The following DAB1 variants were observed in gnomAD, a reference collection of about 807,000 sequenced individuals.
DAB1 encodes the protein DAB adaptor protein 1.
DAB1 carries 15 observed loss-of-function variants against 64.6 expected under a neutral mutation model. The ratio of observed to expected loss-of-function variants is 0.23; its 90% CI spans 0.16 to 0.36. The LOEUF (loss-of-function observed/expected upper bound fraction) is 0.36, where lower values mean the gene tolerates loss of function less well. DAB1 is among the 10% of genes least tolerant of loss of function. The pLI, the probability that DAB1 is intolerant of heterozygous loss-of-function variation, is 1.00. For synonymous variants in DAB1, 235 were observed against 251.9 expected, an observed-to-expected ratio of 0.93 and a Z score of 0.64; for missense variants, 596 against 706.7, an observed-to-expected ratio of 0.84 and a Z score of 1.78.
At chr1:58,433,840 G>A (rs1185736746) in intron 3 of DAB1, among the ~76,000 whole-genome samples, 3 of 152,020 alleles carry the variant, frequency 2.0e-5, no homozygotes, top group African/African-American at 4.8e-5. Flanking sequence ...GTTGTATTGG[G>A]TATAAATTTT....
At chr1:57,609,974 A>T (rs1300212738) in intron 7 of DAB1, among the ~76,000 whole-genome samples, 1 of 152,184 alleles carries the variant, frequency 6.6e-6, no homozygotes, top group African/African-American at 2.4e-5. Context: ...GGCTGCAGGG[A>T]TGCATATTTC....
At chr1:57,856,937 C>A (rs1653782431) in intron 1 of DAB1, among the ~76,000 whole-genome samples, 1 of 152,062 alleles carries the variant, frequency 6.6e-6, no homozygotes, top group Admixed American at 6.5e-5. Context: ...ATAAGATGCT[C>A]AATAAGTACA....
intron 3 of DAB1, among the ~76,000 whole-genome samples, chr1:58,394,276 T>G (rs338929): frequency 6.6e-6 from 1 of 152,208 alleles, no homozygotes; most frequent in African/African-American, 2.4e-5. Context: ...TAATGGAGAA[T>G]GCTACAGAAC....
At chr1:57,940,314 C>G (rs960999921) in intron 5 of DAB1, among the ~76,000 whole-genome samples, 1 of 152,152 alleles carries the variant, frequency 6.6e-6, no homozygotes, top group Non-Finnish European at 1.5e-5. Flanking sequence ...TTAGAAATTT[C>G]AAGGAAGATA....
intron 1 of DAB1, among the ~76,000 whole-genome samples, chr1:57,327,409 C>T (rs949682840): frequency 3.3e-5 from 5 of 152,098 alleles, no homozygotes; most frequent in South Asian, 2.1e-4. Flanking sequence ...GCACCAGGTG[C>T]CTTTCATGGA....
intron 2 of DAB1, among the ~76,000 whole-genome samples, chr1:57,219,470 GT>G (rs1666693122): frequency 2.6e-5 from 4 of 152,172 alleles, no homozygotes; most frequent in African/African-American, 9.7e-5. Context: ...CATACCATAT[GT>G]GGCAGATCCA....
At chr1:57,731,351 C>T (rs1382547694) in intron 6 of DAB1, among the ~76,000 whole-genome samples, 1 of 151,966 alleles carries the variant, frequency 6.6e-6, no homozygotes, top group Non-Finnish European at 1.5e-5. Flanking sequence ...TTAATGAGTA[C>T]AGAGTATCAG....
At chr1:58,326,902 T>A (rs932992844) in intron 4 of DAB1, among the ~76,000 whole-genome samples, 1 of 152,154 alleles carries the variant, frequency 6.6e-6, no homozygotes, top group African/African-American at 2.4e-5. Context: ...CAAAAATCCC[T>A]CTTGGCTTTG....
At chr1:57,031,888 C>CT (rs1408239440) in intron 9 of DAB1, among the ~76,000 whole-genome samples, 3 of 152,122 alleles carry the variant, frequency 2.0e-5, no homozygotes, top group African/African-American at 4.8e-5. Context: ...AGTTTTGCCC[C>CT]TTTTTTAGCC....
chr1:57,148,278 A>C (rs1255105636), intron 2 of DAB1, among the ~76,000 whole-genome samples: 1 of 152,222 alleles, frequency 6.6e-6, no homozygotes, highest in Non-Finnish European at 1.5e-5. Context: ...AAGGGCAGAG[A>C]TTAATAAGAA....
chr1:58,335,838 C>T (rs1185313267), intron 4 of DAB1, among the ~76,000 whole-genome samples: 1 of 152,098 alleles, frequency 6.6e-6, no homozygotes, highest in East Asian at 1.9e-4. Context: ...TAGATACGAT[C>T]CAGTCGGGGA....
intron 5 of DAB1, among the ~76,000 whole-genome samples, chr1:58,137,895 G>A (rs1253452438): frequency 1.3e-5 from 2 of 152,148 alleles, no homozygotes; most frequent in Admixed American, 1.3e-4. Flanking sequence ...GCTTCTAAAG[G>A]CATTCTGGTG....
chr1:58,388,935 T>C (rs1644455168), intron 3 of DAB1, among the ~76,000 whole-genome samples: 2 of 152,128 alleles, frequency 1.3e-5, no homozygotes, highest in South Asian at 4.1e-4. Flanking sequence ...AATTGCAAAA[T>C]GATGATAGCA....
intron 5 of DAB1, among the ~76,000 whole-genome samples, chr1:57,910,669 C>A (rs1465415279): frequency 1.3e-5 from 2 of 152,180 alleles, no homozygotes; most frequent in African/African-American, 4.8e-5. Context: ...CCAGGGTCAG[C>A]TCATTTCCAA....
intron 6 of DAB1, among the ~76,000 whole-genome samples, chr1:57,817,171 T>C (rs1283880530): frequency 6.6e-6 from 1 of 152,128 alleles, no homozygotes; most frequent in African/African-American, 2.4e-5. Flanking sequence ...ATTAAACAAA[T>C]ATTAGTTATT....
At chr1:57,964,090 G>A (rs923833115) in intron 5 of DAB1, among the ~76,000 whole-genome samples, 2 of 152,144 alleles carry the variant, frequency 1.3e-5, no homozygotes, top group Non-Finnish European at 2.9e-5. Context: ...GCAAGGACAT[G>A]GCCTCTGGGG....
chr1:57,218,541 A>G (rs1488133885), intron 2 of DAB1, among the ~76,000 whole-genome samples: 1 of 148,954 alleles, frequency 6.7e-6, no homozygotes, highest in East Asian at 2.0e-4. Context: ...AAAAAAAAAA[A>G]AACAGAAAAA....
chr1:58,177,135 C>T (rs985943378), intron 4 of DAB1, among the ~76,000 whole-genome samples: 1 of 152,108 alleles, frequency 6.6e-6, no homozygotes, highest in South Asian at 2.1e-4. Flanking sequence ...CAGATAATTT[C>T]AGTAACTAGC....
intron 7 of DAB1, among the ~76,000 whole-genome samples, chr1:57,446,454 G>A (rs1010000838): frequency 4.0e-5 from 6 of 151,890 alleles, no homozygotes; most frequent in African/African-American, 1.2e-4. Flanking sequence ...AAAATTAGCC[G>A]GGCTTGGTGG....
Sources: gnomAD v4.1 joint callset for allele counts (sites outside exome capture counted in the v4.1 genomes callset) on GRCh38, gnomAD v4.1.1 for gene constraint, MANE v1.5 for transcripts, NCBI Gene and HGNC (gene_info 2026-07-23, HGNC 2026-07-21) for gene names.